Variants in RBFOX1 observed in about 807,000 individuals in gnomAD.
The protein encoded by RBFOX1 is RNA binding fox-1 homolog 1.
In RBFOX1, 8 loss-of-function variants were observed where a neutral mutation model predicts 57.7. The ratio of observed to expected loss-of-function variants is 0.14; its 90% CI spans 0.08 to 0.25. The LOEUF (loss-of-function observed/expected upper bound fraction) is 0.25, where lower values mean the gene tolerates loss of function less well. RBFOX1 is among the 10% of genes least tolerant of loss of function. The probability of loss-of-function intolerance (pLI) is 1.00; values close to 1 mark genes in which losing one functional copy is unlikely to be tolerated. For missense variants in RBFOX1, 611 were observed against 548.5 expected, an observed-to-expected ratio of 1.11 and a Z score of -1.14; for synonymous variants, 326 against 222.4, an observed-to-expected ratio of 1.47 and a Z score of -4.15.
chr16:7,078,351 C>G lies in RBFOX1; in HGVS notation c.27+26253C>G, dbSNP rs533908611. ...TCTTGTTTATAACCAACCCCATATA[C>G]TTTATTTATTTATTTAGATGGAGTG... On this transcript the variant is annotated intron_variant, in intron 4 of 15. Transcript: ENST00000550418. Among the ~76,000 whole-genome samples, 16 of 152,136 alleles carry G rather than the reference C, an allele frequency of 1.1e-4. No individual in the cohort carries two copies. In the East Asian group the frequency reaches 1.7e-3, roughly 17 times the overall value.
At chr16:6,570,560 G>GA (rs2097331386) in intron 2 of RBFOX1, among the ~76,000 whole-genome samples, 1 of 151,914 alleles carries the variant, frequency 6.6e-6, no homozygotes, top group East Asian at 1.9e-4. Flanking sequence ...TGCTTAATTG[G>GA]AAAAAATAAA....
intron 4 of RBFOX1, among the ~76,000 whole-genome samples, chr16:7,475,817 G>A (rs1202361110): frequency 6.6e-6 from 1 of 152,142 alleles, no homozygotes; most frequent in African/African-American, 2.4e-5. Context: ...TTATTAATTT[G>A]AATATATGTT....
intron 3 of RBFOX1, among the ~76,000 whole-genome samples, chr16:6,746,012 T>G (rs143357633): frequency 1.3e-5 from 2 of 152,214 alleles, no homozygotes; most frequent in Non-Finnish European, 1.5e-5. Context: ...CTTAAAAATA[T>G]CATTTGCAAT....
chr16:7,234,912 C>G lies in RBFOX1; in HGVS notation c.27+182814C>G, dbSNP rs572530004. On this transcript the variant is annotated intron_variant, in intron 4 of 15. Transcript: ENST00000550418. Reference sequence around the variant, plus strand: ...AATTATTCACAGACATCTCCCAATTCCATTTTCAGAGACTTACTGTAGACT... The same window carrying G: ...AATTATTCACAGACATCTCCCAATTGCATTTTCAGAGACTTACTGTAGACT... Among the ~76,000 whole-genome samples, 21 of 152,108 alleles carry G rather than the reference C, an allele frequency of 1.4e-4. No homozygotes were observed. The East Asian group carries it at 3.9e-3, about 28-fold the overall frequency.
chr16:5,520,229 C>T (rs949283212), intron 2 of RBFOX1, among the ~76,000 whole-genome samples: 2 of 152,104 alleles, frequency 1.3e-5, no homozygotes, highest in African/African-American at 2.4e-5. Flanking sequence ...GGCTGTTTCA[C>T]TTAGGATCTT....
chr16:6,988,291 G>A (rs2090730490), intron 3 of RBFOX1, among the ~76,000 whole-genome samples: 1 of 152,144 alleles, frequency 6.6e-6, no homozygotes, highest in Non-Finnish European at 1.5e-5. Context: ...GACCTTTAGA[G>A]CAGTGTAGTC....
intron 3 of RBFOX1, among the ~76,000 whole-genome samples, chr16:7,048,111 T>C (rs2153722712): frequency 6.6e-6 from 1 of 152,276 alleles, no homozygotes; most frequent in African/African-American, 2.4e-5. Flanking sequence ...ATTCCTGACC[T>C]CAGGTGATCC....
chr16:7,187,751 A>T (rs950088282), intron 4 of RBFOX1, among the ~76,000 whole-genome samples: 1 of 150,840 alleles, frequency 6.6e-6, no homozygotes, highest in Non-Finnish European at 1.5e-5. Context: ...CGCTTTTAAA[A>T]TCTTAGAAAC....
chr16:6,585,843 T>C (rs760714657), intron 2 of RBFOX1, among the ~76,000 whole-genome samples: 9 of 152,180 alleles, frequency 5.9e-5, no homozygotes, highest in Admixed American at 2.0e-4. Context: ...TTAAAATGGA[T>C]AATTTTAAGG....
At chr16:7,364,794 A>G in intron 4 of RBFOX1, among the ~76,000 whole-genome samples, 1 of 152,190 alleles carries the variant, frequency 6.6e-6, no homozygotes, top group East Asian at 1.9e-4. Flanking sequence ...AAGAAGTCAG[A>G]AGAAATCTTT....
chr16:6,500,359 C>G (rs766876158), intron 2 of RBFOX1, among the ~76,000 whole-genome samples: 10 of 151,622 alleles, frequency 6.6e-5, no homozygotes, highest in African/African-American at 2.4e-4. Flanking sequence ...TGTGCACATA[C>G]ACACACACAC....
In RBFOX1 at chr16:6,780,187, ATATT is replaced by A. The variant is rs2080512008; in HGVS notation, c.-16+125541_-16+125544del. On this transcript the variant is annotated intron_variant, in intron 3 of 15. Coordinates refer to ENST00000550418, the MANE Select transcript of RBFOX1 (RefSeq NM_018723.4). ...TATATATTTTTATATATTTATATAT[ATATT>A]TATATATTTTTATATATTTATATAT... 1.6e-4 allele frequency among the ~76,000 whole-genome samples: 6 copies of A among 36,916 alleles called. 2 individuals are homozygous for A. Among genetic ancestry groups the A allele is most frequent in the Non-Finnish European group, 2.2e-4 (6 of 27,152 alleles). 24.2% of individuals were successfully genotyped at this position (36,916 alleles called of 152,430 possible).
chr16:6,895,228 ACCAAATGTATATC>A (rs1202299725), intron 3 of RBFOX1, among the ~76,000 whole-genome samples: 1 of 152,002 alleles, frequency 6.6e-6, no homozygotes, highest in East Asian at 1.9e-4. Flanking sequence ...AACCTCAGAG[ACCAAATGTATATC>A]CCAAATGTAT....
At chr16:6,549,674 T>A (rs2096956293) in intron 2 of RBFOX1, among the ~76,000 whole-genome samples, 1 of 152,008 alleles carries the variant, frequency 6.6e-6, no homozygotes, top group Non-Finnish European at 1.5e-5. Flanking sequence ...AGCAAATCCC[T>A]AGACGATAGG....
chr16:7,543,537 ATG>A (rs1216065815), intron 5 of RBFOX1, among the ~76,000 whole-genome samples: 3 of 152,106 alleles, frequency 2.0e-5, no homozygotes, highest in Non-Finnish European at 4.4e-5. Flanking sequence ...AGAAGTTGAA[ATG>A]TGTGTGTACC....
In RBFOX1 at chr16:6,767,952, A is replaced by ATAAT. The variant is rs1567165850; in HGVS notation, c.-16+113302_-16+113303insTAAT. Among the ~76,000 whole-genome samples the ATAAT allele has an allele frequency of 5.9e-3, 574 of 97,820 alleles. 8 individuals carry two copies. Among genetic ancestry groups the ATAAT allele is most frequent in the African/African-American group, 0.023 (503 of 22,338 alleles). 64.2% of individuals were successfully genotyped at this position (97,820 alleles called of 152,430 possible). ...AATAATAATAATAATAATAATAAGAAGAAGAAGAAGAAGAAGAAGAAGAAG... is the reference window on the plus strand; with the variant it reads ...AATAATAATAATAATAATAATAAGAATAATGAAGAAGAAGAAGAAGAAGAAGAAG... On this transcript the variant is annotated intron_variant, in intron 3 of 15. Transcript: ENST00000550418.
At chr16:5,372,915 G>A (rs1219860199) in intron 1 of RBFOX1, among the ~76,000 whole-genome samples, 1 of 152,182 alleles carries the variant, frequency 6.6e-6, no homozygotes, top group African/African-American at 2.4e-5. Context: ...AGCTTCTCTT[G>A]GTCTTCTGAA....
intron 4 of RBFOX1, among the ~76,000 whole-genome samples, chr16:7,509,207 G>C (rs895271186): frequency 4.6e-5 from 7 of 152,134 alleles, no homozygotes; most frequent in African/African-American, 1.7e-4. Context: ...ACTTTTTCTT[G>C]ATAGCATTTG....
chr16:7,450,846 C>G (rs552549178), intron 4 of RBFOX1, among the ~76,000 whole-genome samples: 1 of 151,964 alleles, frequency 6.6e-6, no homozygotes, highest in South Asian at 2.1e-4. Flanking sequence ...GGATGGCATG[C>G]GACGGGCCCA....
Sources: allele counts gnomAD v4.1 joint callset (sites outside exome capture counted in the v4.1 genomes callset), GRCh38; gene constraint gnomAD v4.1.1; transcripts MANE v1.5; gene names NCBI Gene and HGNC (gene_info 2026-07-23, HGNC 2026-07-21).